MLLT11: variants seen among roughly 807,000 people sequenced by gnomAD.
MLLT11 encodes the protein MLLT11 transcription factor 7 cofactor.
Under a neutral mutation model 5.3 loss-of-function variants are expected in MLLT11, and 1 was observed. That is an observed-to-expected ratio of 0.19 (90% confidence interval 0.07 to 0.89). The LOEUF is 0.89. Among genes scored for constraint, MLLT11 ranks in the 40% least tolerant of loss-of-function variants. The pLI is 0.67. For synonymous variants in MLLT11, 38 were observed against 41.7 expected (o/e 0.91, Z 0.34); for missense variants, 87 against 107.3 (o/e 0.81, Z 0.83).
chr1:151,061,018 T>C (rs1346234775), intron 1 of MLLT11, among the ~76,000 whole-genome samples: 4 of 152,186 alleles, frequency 2.6e-5, no homozygotes, highest in African/African-American at 4.8e-5. Context: ...CTGACCTTTC[T>C]TTGGATAATC....
At chr1:151,065,353 G>C (rs1054933139) in intron 1 of MLLT11, among the ~76,000 whole-genome samples, 1 of 152,148 alleles carries the variant, frequency 6.6e-6, no homozygotes, top group African/African-American at 2.4e-5. Context: ...AGATAGCTCT[G>C]CCAAACCCTC....
At position 151,060,440 on chromosome 1, in the gene MLLT11, G is replaced by A. The variant is rs1244497878; in HGVS notation, c.-120G>A. On this transcript the variant is annotated 5_prime_UTR_variant, in exon 1 of 2. Coordinates refer to ENST00000368921, the MANE Select transcript of MLLT11 (RefSeq NM_006818.4). ...ACTGAAGAGGGAAAAGGAGTGAGAA[G>A]ACAAAGCCGTCAAAGCCCCAACAGC... 1 of 152,328 alleles carries A rather than the reference G, an allele frequency of 6.6e-6. No homozygotes were observed. Among genetic ancestry groups the A allele is most frequent in the Admixed American group, 6.5e-5 (1 of 15,300 alleles). The allele number at this position is 152,328 out of a possible 1,614,324, so 9.4% of individuals were successfully genotyped here.
intron 1 of MLLT11, among the ~76,000 whole-genome samples, chr1:151,065,323 C>T (rs1236777011): frequency 6.6e-6 from 1 of 152,110 alleles, no homozygotes; most frequent in Non-Finnish European, 1.5e-5. Context: ...ATAACATTTG[C>T]TTTAGCTTTT....
Position 151,069,492 on chromosome 1 carries a change from T to C in MLLT11, c.*1995T>C, listed in dbSNP as rs116787636. ...CTTCAGAGTCCTTCAGCCATGGCAA[T>C]TGGTGGGTGGAGACAGGGATCAACT... is the stretch of plus-strand genomic sequence containing the variant. On this transcript the variant is annotated 3_prime_UTR_variant, in exon 2 of 2. Coordinates refer to ENST00000368921, the MANE Select transcript of MLLT11 (RefSeq NM_006818.4). 0.011 allele frequency among the ~76,000 whole-genome samples: 1,653 copies of C among 152,268 alleles called. 43 individuals are homozygous for C. The highest frequency in any genetic ancestry group is 0.038 in the African/African-American group (1,578 of 41,560).
At position 151,067,898 on chromosome 1, in the gene MLLT11, C is replaced by T. The variant is rs947079339; in HGVS notation, c.*401C>T. The T allele has an allele frequency of 4.3e-5, 11 of 256,322 alleles. No individual in the cohort carries two copies. The South Asian group carries it at 8.2e-4, about 19-fold the overall frequency. 15.9% of individuals were successfully genotyped at this position (256,322 alleles called of 1,614,324 possible). Reference sequence around the variant, plus strand: ...ATTTCCTGCTCCAGGGCAGTAAACACAAATATTTCTTCAAGGGGTGATGAA... The same window carrying T: ...ATTTCCTGCTCCAGGGCAGTAAACATAAATATTTCTTCAAGGGGTGATGAA... On this transcript the variant is annotated 3_prime_UTR_variant, in exon 2 of 2. Coordinates refer to ENST00000368921, the MANE Select transcript of MLLT11 (RefSeq NM_006818.4).
chr1:151,064,196 T>C (rs1231694918), intron 1 of MLLT11, among the ~76,000 whole-genome samples: 1 of 152,102 alleles, frequency 6.6e-6, no homozygotes. Context: ...TAATTTTGTA[T>C]TTTTAATAGA....
In MLLT11 at chr1:151,060,995, G is replaced by A. The variant is rs1045474439; in HGVS notation, c.-7+442G>A. 5.3e-5 allele frequency among the ~76,000 whole-genome samples: 8 copies of A among 152,288 alleles called. No individual in the cohort carries two copies. In the Middle Eastern group the frequency reaches 0.01, roughly 194 times the overall value. On this transcript the variant is annotated intron_variant, in intron 1 of 1. Coordinates refer to ENST00000368921, the MANE Select transcript of MLLT11 (RefSeq NM_006818.4). Reference sequence around the variant, plus strand: ...TTGGGAGGGGGTTATATGGGATAATGTTGGGTGTAATCCTGACCTTTCTTT... The same window carrying A: ...TTGGGAGGGGGTTATATGGGATAATATTGGGTGTAATCCTGACCTTTCTTT...
rs1187873612 is a variant in MLLT11, at chr1:151,069,472, G to C, written c.*1975G>C. Among the ~76,000 whole-genome samples, 1 of 152,228 alleles carries C rather than the reference G, an allele frequency of 6.6e-6. No individual in the cohort carries two copies. The highest frequency in any genetic ancestry group is 1.5e-5 in the Non-Finnish European group (1 of 68,042). ...TACTGAGTTTTGAAGGGCCCCTTCAGAGTCCTTCAGCCATGGCAATTGGTG... is the reference window on the plus strand; with the variant it reads ...TACTGAGTTTTGAAGGGCCCCTTCACAGTCCTTCAGCCATGGCAATTGGTG... On this transcript the variant is annotated 3_prime_UTR_variant, in exon 2 of 2. Coordinates refer to ENST00000368921, the MANE Select transcript of MLLT11 (RefSeq NM_006818.4).
intron 1 of MLLT11, among the ~76,000 whole-genome samples, chr1:151,062,128 C>T (rs1219086310): frequency 6.6e-6 from 1 of 151,738 alleles, no homozygotes; most frequent in Non-Finnish European, 1.5e-5. Flanking sequence ...GGAACAATCA[C>T]CTAAACCACG....
chr1:151,065,125 C>A (rs920382269), intron 1 of MLLT11, among the ~76,000 whole-genome samples: 1 of 152,104 alleles, frequency 6.6e-6, no homozygotes, highest in African/African-American at 2.4e-5. Flanking sequence ...TCAAAAATTT[C>A]ATTACTATTT....
In MLLT11 at chr1:151,068,510, T is replaced by G. The variant is rs1218200144; in HGVS notation, c.*1013T>G. 9.7e-6 allele frequency: 2 copies of G among 205,318 alleles called. No individual in the cohort carries two copies. The highest frequency in any genetic ancestry group is 1.7e-4 in the East Asian group (2 of 12,112). 12.7% of individuals were successfully genotyped at this position (205,318 alleles called of 1,614,324 possible). ...TTCAATCCCAGGACTGGAGTCTAAT[T>G]TTCTCTCTTCACAAGAAAAGCCACA... On this transcript the variant is annotated 3_prime_UTR_variant, in exon 2 of 2. Transcript: ENST00000368921.
At chr1:151,061,850 C>T (rs1043012108) in intron 1 of MLLT11, among the ~76,000 whole-genome samples, 1 of 152,064 alleles carries the variant, frequency 6.6e-6, no homozygotes, top group Non-Finnish European at 1.5e-5. Flanking sequence ...GCATGTCTTT[C>T]TTGAATGTAT....
intron 1 of MLLT11, among the ~76,000 whole-genome samples, chr1:151,062,957 G>T (rs1676427255): frequency 1.3e-5 from 2 of 152,134 alleles, no homozygotes; most frequent in Admixed American, 1.3e-4. Context: ...TATCAGAGTT[G>T]AGTATCATAG....
intron 1 of MLLT11, among the ~76,000 whole-genome samples, chr1:151,062,695 G>C (rs1524773): frequency 0.82 from 124,586 of 152,040 alleles, 51,084 homozygotes; most frequent in East Asian, 0.91. Context: ...CTATAATGTG[G>C]CCTGCATTAT....
intron 1 of MLLT11, among the ~76,000 whole-genome samples, chr1:151,061,091 G>T (rs1456796500): frequency 6.6e-6 from 1 of 152,148 alleles, no homozygotes; most frequent in Non-Finnish European, 1.5e-5. Context: ...GGAAAGGTGG[G>T]GGCCTCTGTG....
chr1:151,066,655 T>A (rs1676479493), intron 1 of MLLT11, among the ~76,000 whole-genome samples: 1 of 152,124 alleles, frequency 6.6e-6, no homozygotes, highest in South Asian at 2.1e-4. Flanking sequence ...CCGGGCGCGG[T>A]GGCTCACACC....
At chr1:151,061,395 G>T (rs1676405336) in intron 1 of MLLT11, among the ~76,000 whole-genome samples, 1 of 152,104 alleles carries the variant, frequency 6.6e-6, no homozygotes. Context: ...AGGATATTTG[G>T]GCGTGTCTGT....
At position 151,068,917 on chromosome 1, in the gene MLLT11, A is replaced by G. The variant is rs896851273; in HGVS notation, c.*1420A>G. Among the ~76,000 whole-genome samples, 1 of 152,196 alleles carries G rather than the reference A, an allele frequency of 6.6e-6. No homozygotes were observed. Among genetic ancestry groups the G allele is most frequent in the African/African-American group, 2.4e-5 (1 of 41,456 alleles). On this transcript the variant is annotated 3_prime_UTR_variant, in exon 2 of 2. Transcript: ENST00000368921. ...ATCTTTCTATAATAATATTCAACTT[A>G]GAGGAAGAATGATTTGAGTAGCATT...
intron 1 of MLLT11, 163 bp from the exon 2 acceptor site, chr1:151,067,056 T>G: frequency 1.9e-6 from 1 of 535,536 alleles, no homozygotes; most frequent in Non-Finnish European, 3.1e-6. Flanking sequence ...CAAATTCCTT[T>G]TTACTGGTGG....
Sources: gnomAD v4.1 joint callset for allele counts (sites outside exome capture counted in the v4.1 genomes callset) on GRCh38, gnomAD v4.1.1 for gene constraint, MANE v1.5 for transcripts, NCBI Gene and HGNC (gene_info 2026-07-23, HGNC 2026-07-21) for gene names.